The following INVS variants were observed in gnomAD, a reference collection of about 807,000 sequenced individuals.
INVS encodes the protein inversion of embryo turning homolog.
A neutral mutation model predicts 108.8 loss-of-function variants in INVS; 86 were observed. The ratio of observed to expected loss-of-function variants is 0.79; its 90% CI spans 0.66 to 0.95. The LOEUF (loss-of-function observed/expected upper bound fraction) is 0.95, where lower values mean the gene tolerates loss of function less well. Among genes scored for constraint, INVS ranks in the 40% least tolerant of loss-of-function variants. The pLI, the probability that INVS is intolerant of heterozygous loss-of-function variation, is 0.00. For missense variants in INVS, 1,169 were observed against 1,297.4 expected (o/e 0.90, Z 1.52); for synonymous variants, 455 against 473.5 (o/e 0.96, Z 0.51).
rs576790933 is a variant in INVS, at chr9:100,222,715, G to A, written c.274-3347G>A. On this transcript the variant is annotated intron_variant, in intron 3 of 16. Transcript: ENST00000262457. Reference sequence around the variant, plus strand: ...GACTGTCTGATTGAATATCTTTAAAGGTCATGATGAATTACTCTGTAATAT... The same window carrying A: ...GACTGTCTGATTGAATATCTTTAAAAGTCATGATGAATTACTCTGTAATAT... 5.3e-5 allele frequency among the ~76,000 whole-genome samples: 8 copies of A among 152,066 alleles called. No individual in the cohort carries two copies. The South Asian group carries it at 1.2e-3, about 24-fold the overall frequency.
intron 3 of INVS, among the ~76,000 whole-genome samples, chr9:100,198,264 A>ATTTTTTTTT (rs66710233): frequency 9.2e-5 from 6 of 65,286 alleles, no homozygotes; most frequent in Non-Finnish European, 1.1e-4. Flanking sequence ...GAGGGCTAGA[A>ATTTTTTTTT]TTTTTTTTTT....
intron 1 of INVS, among the ~76,000 whole-genome samples, chr9:100,100,675 C>T (rs57032191): frequency 0.36 from 6,882 of 19,034 alleles, 1,596 homozygotes; most frequent in East Asian, 0.85. Flanking sequence ...TATATATGTA[C>T]ATATAATATA....
chr9:100,213,923 C>G (rs1298780094), intron 3 of INVS, among the ~76,000 whole-genome samples: 1 of 152,112 alleles, frequency 6.6e-6, no homozygotes, highest in African/African-American at 2.4e-5. Context: ...TCTTGGCATA[C>G]CCAGTAAGAA....
chr9:100,115,981 C>T (rs998458496), intron 2 of INVS, among the ~76,000 whole-genome samples: 10 of 152,096 alleles, frequency 6.6e-5, no homozygotes, highest in South Asian at 2.1e-4. Context: ...TTTTAATGAT[C>T]GCCATTCTAA....
chr9:100,242,502 T>C (rs1564172823), intron 6 of INVS, 68 bp from the exon 7 acceptor site: 14 of 918,510 alleles, frequency 1.5e-5, no homozygotes, highest in Non-Finnish European at 2.3e-5. Flanking sequence ...ATCTTTTTCA[T>C]TTAAATAGAT....
At chr9:100,285,556 T>A (rs191336516) in intron 13 of INVS, among the ~76,000 whole-genome samples, 2 of 152,304 alleles carry the variant, frequency 1.3e-5, no homozygotes, top group East Asian at 3.9e-4. Context: ...TTAGGATTTA[T>A]TATAACAAAG....
chr9:100,272,075 G>C (rs1832974164), intron 11 of INVS, among the ~76,000 whole-genome samples: 1 of 151,556 alleles, frequency 6.6e-6, no homozygotes, highest in South Asian at 2.1e-4. Flanking sequence ...CACCTTGTTG[G>C]CTAGGCTGTC....
chr9:100,301,032 C>T lies in INVS; in HGVS notation c.*358C>T. The T allele has an allele frequency of 3.2e-6, 1 of 310,676 alleles. No homozygotes were observed. The highest frequency in any genetic ancestry group is 8.0e-5 in the East Asian group (1 of 12,430). 19.2% of individuals were successfully genotyped at this position (310,676 alleles called of 1,614,324 possible). ...CTGGGTTGGGATTTCTGCCAGCTAG[C>T]TGGTACTGGCTTCTTGTTTCAAGAG... On this transcript the variant is annotated 3_prime_UTR_variant, in exon 17 of 17. Transcript: ENST00000262457.
chr9:100,192,886 T>G (rs1391554617), intron 3 of INVS, among the ~76,000 whole-genome samples: 1 of 152,192 alleles, frequency 6.6e-6, no homozygotes, highest in Non-Finnish European at 1.5e-5. Context: ...TTACCCATTT[T>G]TTTCTGTATT....
intron 3 of INVS, among the ~76,000 whole-genome samples, chr9:100,201,242 T>C (rs917434514): frequency 6.6e-6 from 1 of 152,178 alleles, no homozygotes; most frequent in Non-Finnish European, 1.5e-5. Flanking sequence ...CTGAGGAAAC[T>C]TGAACTTTAA....
At chr9:100,254,886 T>A (rs1275986695) in intron 10 of INVS, among the ~76,000 whole-genome samples, 3 of 152,252 alleles carry the variant, frequency 2.0e-5, no homozygotes, top group East Asian at 1.9e-4. Flanking sequence ...CTTAGGATTG[T>A]CTTGGCAATG....
chr9:100,146,828 G>A (rs993693004), intron 3 of INVS, among the ~76,000 whole-genome samples: 2 of 152,174 alleles, frequency 1.3e-5, no homozygotes, highest in Admixed American at 6.5e-5. Flanking sequence ...TGTATATACC[G>A]CAATTTATTT....
intron 10 of INVS, among the ~76,000 whole-genome samples, chr9:100,264,111 G>A (rs939543092): frequency 2.6e-5 from 4 of 152,060 alleles, no homozygotes; most frequent in African/African-American, 9.7e-5. Flanking sequence ...CCCTCTTTAT[G>A]TCTAGCAATG....
intron 10 of INVS, among the ~76,000 whole-genome samples, 187 bp from the exon 11 acceptor site, chr9:100,264,635 T>C (rs1261320377): frequency 7.0e-6 from 1 of 142,378 alleles, no homozygotes; most frequent in Non-Finnish European, 1.5e-5. Context: ...AAAAAAAAAA[T>C]AGTGTTAATT....
chr9:100,279,419 C>G (rs1419323032), intron 12 of INVS, among the ~76,000 whole-genome samples: 1 of 152,222 alleles, frequency 6.6e-6, no homozygotes, highest in African/African-American at 2.4e-5. Flanking sequence ...TAGCAACCAT[C>G]TGATTGAATA....
At chr9:100,136,574 C>A (rs1376122965) in intron 3 of INVS, among the ~76,000 whole-genome samples, 6 of 152,092 alleles carry the variant, frequency 3.9e-5, no homozygotes, top group Non-Finnish European at 8.8e-5. Flanking sequence ...AAATCAGGAC[C>A]TAAACAAGGT....
chr9:100,144,189 C>T (rs1828528660), intron 3 of INVS, among the ~76,000 whole-genome samples: 1 of 152,094 alleles, frequency 6.6e-6, no homozygotes, highest in South Asian at 2.1e-4. Context: ...TCTGGAGGAA[C>T]TCCTGGCTGC....
intron 3 of INVS, among the ~76,000 whole-genome samples, chr9:100,141,373 T>C (rs889187150): frequency 6.6e-6 from 1 of 152,156 alleles, no homozygotes; most frequent in African/African-American, 2.4e-5. Context: ...CGTTAGTCCA[T>C]TCTACCTTTC....
In INVS at chr9:100,133,960, G is replaced by C. The variant is rs141955766; in HGVS notation, c.273+7411G>C. ...TTTTTTAACTTCTATTTTTCCATAA[G>C]TTATTGGGGGTAAAAGTGGTATTTG... On this transcript the variant is annotated intron_variant, in intron 3 of 16. Coordinates refer to ENST00000262457, the MANE Select transcript of INVS (RefSeq NM_014425.5). Among the ~76,000 whole-genome samples the C allele has an allele frequency of 3.7e-3, 565 of 152,184 alleles. 3 individuals are homozygous for C. The highest frequency in any genetic ancestry group is 4.0e-3 in the Non-Finnish European group (272 of 68,000).
Sources: gnomAD v4.1 joint callset for allele counts (sites outside exome capture counted in the v4.1 genomes callset) on GRCh38, gnomAD v4.1.1 for gene constraint, MANE v1.5 for transcripts, NCBI Gene and HGNC (gene_info 2026-07-23, HGNC 2026-07-21) for gene names.